The following IGDCC4 variants were observed in gnomAD, a reference collection of about 807,000 sequenced individuals.
The protein encoded by IGDCC4 is immunoglobulin superfamily DCC subclass member 4.
Under a neutral mutation model 116.6 loss-of-function variants are expected in IGDCC4, and 72 were observed. The ratio of observed to expected loss-of-function variants is 0.62; its 90% CI spans 0.51 to 0.75. IGDCC4 has a LOEUF of 0.75. IGDCC4 is among the 30% of genes least tolerant of loss of function. The pLI, the probability that IGDCC4 is intolerant of heterozygous loss-of-function variation, is 0.00. For missense variants in IGDCC4, 1,501 were observed against 1,662.4 expected (o/e 0.90, Z 1.69); for synonymous variants, 709 against 719.9 (o/e 0.98, Z 0.24).
In IGDCC4 at chr15:65,394,395, A is replaced by G; in HGVS notation, c.1714+16T>C. On this transcript the variant is annotated intron_variant, in intron 9 of 19. Transcript: ENST00000352385. The stretch of plus-strand genomic sequence containing the variant: ...TCATTCCCATACATGCCTGCAGCCC[A>G]CCCACCCCCACTCACCTTCCTTTCC... 1 of 1,613,060 alleles carries G rather than the reference A, an allele frequency of 6.2e-7. No homozygotes were observed. Among genetic ancestry groups the G allele is most frequent in the Non-Finnish European group, 8.5e-7 (1 of 1,179,800 alleles).
At chr15:65,409,188 T>A (rs1191921057) in intron 3 of IGDCC4, among the ~76,000 whole-genome samples, 22 of 152,098 alleles carry the variant, frequency 1.4e-4, no homozygotes, top group Non-Finnish European at 2.9e-5. Context: ...AACTGTCCTG[T>A]GGCTTTTCTA....
rs1217384957 is a variant in IGDCC4, at chr15:65,392,116, C to T, written c.2122+18G>A. ...TGAAGCTACATCCCTCCCTCCCCCT[C>T]CCCCCAGCCCTCCTCACCTAGCTGG... On this transcript the variant is annotated intron_variant, in intron 11 of 19. Coordinates refer to ENST00000352385, the MANE Select transcript of IGDCC4 (RefSeq NM_020962.3). 2 of 1,512,038 alleles carry T rather than the reference C, an allele frequency of 1.3e-6. No individual in the cohort carries two copies. The highest frequency in any genetic ancestry group is 1.8e-6 in the Non-Finnish European group (2 of 1,107,922). The allele number at this position is 1,512,038 out of a possible 1,614,324, so 93.7% of individuals were successfully genotyped here. A position where few individuals can be genotyped will look rare whatever the true frequency, so the allele number is the denominator to read the frequency against.
At chr15:65,413,879 G>T (rs2063120247) in intron 1 of IGDCC4, among the ~76,000 whole-genome samples, 1 of 152,180 alleles carries the variant, frequency 6.6e-6, no homozygotes, top group Admixed American at 6.5e-5. Context: ...TGTGGTTTTG[G>T]CCCAGTCATT....
Position 65,394,488 on chromosome 15 carries a change from G to A in IGDCC4, c.1637C>T (p.Ala546Val), listed in dbSNP as rs1289606960. The A allele has an allele frequency of 1.4e-5, 22 of 1,613,478 alleles. No homozygotes were observed. Among genetic ancestry groups the A allele is most frequent in the Admixed American group, 5.0e-5 (3 of 59,956 alleles). The change falls in exon 9 of 20, where the codon GCG becomes GTG. Residue 546 changes from alanine to valine, a missense_variant. By Grantham distance (64) the Ala-to-Val change is moderately conservative. Transcript: ENST00000352385. The stretch of plus-strand genomic sequence containing the variant: ...CAGGCTGGGGGGCAGGGGCAGCCAC[G>A]CCACCCTGATGTCCGAAGGGTTGGG... The part of the protein sequence containing the change: ...SSPNPSDIRV[A>V]WLPLPPSLSN...
intron 3 of IGDCC4, among the ~76,000 whole-genome samples, chr15:65,406,054 G>T (rs1156764805): frequency 6.6e-6 from 1 of 152,240 alleles, no homozygotes; most frequent in African/African-American, 2.4e-5. Context: ...GTAACCACTG[G>T]GAGAGGGTAG....
chr15:65,402,617 C>T (rs1272501865), intron 3 of IGDCC4, 130 bp from the exon 4 acceptor site: 10 of 1,247,770 alleles, frequency 8.0e-6, no homozygotes, highest in Non-Finnish European at 1.1e-5. Context: ...GCCTATAATC[C>T]CAGCACTTTG....
Position 65,390,173 on chromosome 15 carries a change from A to G in IGDCC4, c.2390T>C (p.Leu797Pro). 1 of 1,591,500 alleles carries G rather than the reference A, an allele frequency of 6.3e-7. No individual in the cohort carries two copies. The highest frequency in any genetic ancestry group is 8.6e-7 in the Non-Finnish European group (1 of 1,162,200). ...FSPWGLRNAS[L>P]VTYYTSSGED... ...TCCCCACCTGGTGTAATAGGTGACC[A>G]GGGAGGCATTCCTGAGCCCCCAGGG... Residue 797 changes from leucine to proline, a missense_variant, in exon 13 of 20, where the codon CTG (leucine) becomes CCG (proline). By Grantham distance (98) the Leu-to-Pro change is moderately conservative. Coordinates refer to ENST00000352385, the MANE Select transcript of IGDCC4 (RefSeq NM_020962.3).
At chr15:65,385,468 G>A (rs1441876003) in intron 18 of IGDCC4, 2 of 523,980 alleles carry the variant, frequency 3.8e-6, no homozygotes, top group African/African-American at 3.8e-5. Context: ...CCTTATCCTG[G>A]TCCCAGTCCC....
rs773895737 is a variant in IGDCC4 at position 65,388,462 on chromosome 15, C to T, written c.2832G>A (p.Gln944=). The change falls in exon 16 of 20, where the codon CAG becomes CAA. Residue 944 remains glutamine (Q), a synonymous_variant. Transcript: ENST00000352385. ...CTGTGCTCATACCTGACAGCTTCTC[C>T]TGGAGCGTGATCACATCCTGCAGGC... is the stretch of plus-strand genomic sequence containing the variant. ...FSRLQDVITL[Q]EKLSDSLDMH... 6.2e-7 allele frequency: 1 copy of T among 1,614,158 alleles called. No homozygotes were observed. The highest frequency in any genetic ancestry group is 8.5e-7 in the Non-Finnish European group (1 of 1,180,032).
chr15:65,400,235 G>A (rs1440897987), intron 5 of IGDCC4, among the ~76,000 whole-genome samples: 1 of 152,240 alleles, frequency 6.6e-6, no homozygotes, highest in Non-Finnish European at 1.5e-5. Flanking sequence ...GATACTGTCA[G>A]ACCTCTCTTC....
chr15:65,384,014 C>A lies in IGDCC4; in HGVS notation c.3748G>T (p.Ala1250Ser). Residue 1250 changes from alanine to serine, a missense_variant, in exon 20 of 20, where the codon GCC becomes TCC. By Grantham distance (99) the Ala-to-Ser change is moderately conservative. This residue lies in a region of IGDCC4 where 368 missense variants were observed against 355.6 expected (regional missense o/e 1.03). Coordinates refer to ENST00000352385, the MANE Select transcript of IGDCC4 (RefSeq NM_020962.3). The surrounding 1 kb of genome is among the most constrained non-coding windows in gnomAD (Gnocchi z 4.9). ...GLPRSPVSSS[A>S] ...ACCACATCCTCTGGGAAGAGCTAGG[C>A]AGAGGAGGAGACCGGGGATCTGGGC... The A allele has an allele frequency of 6.3e-7, 1 of 1,587,236 alleles. No homozygotes were observed. The highest frequency in any genetic ancestry group is 8.6e-7 in the Non-Finnish European group (1 of 1,161,956).
chr15:65,395,688 A>T (rs992639381), intron 7 of IGDCC4, 62 bp downstream of exon 7: 1 of 1,386,328 alleles, frequency 7.2e-7, no homozygotes, highest in Non-Finnish European at 9.4e-7. Flanking sequence ...TCCGACCTGA[A>T]CCCCTTCTGG....
chr15:65,395,490 T>C (rs1456098291), intron 7 of IGDCC4, among the ~76,000 whole-genome samples: 1 of 152,138 alleles, frequency 6.6e-6, no homozygotes, highest in East Asian at 1.9e-4. Flanking sequence ...GTTAGTTAAC[T>C]GGGATGGGAG....
chr15:65,391,932 C>T lies in IGDCC4; in HGVS notation c.2172G>A (p.Glu724=). 6.2e-7 allele frequency: 1 copy of T among 1,613,834 alleles called. No homozygotes were observed. Among genetic ancestry groups the T allele is most frequent in the Admixed American group, 1.7e-5 (1 of 59,976 alleles). Residue 724 remains glutamate (E), a synonymous_variant, in exon 12 of 20, where the codon GAG becomes GAA. Transcript: ENST00000352385. ...CCTTCCACACTGCTGCATAGCCATCCTCATGTTTGTTGAAAGCCACGAGCT... is the reference window on the plus strand; with the variant it reads ...CCTTCCACACTGCTGCATAGCCATCTTCATGTTTGTTGAAAGCCACGAGCT... The part of the protein sequence containing the change: ...EVKLVAFNKH[E]DGYAAVWKGK...
chr15:65,405,833 A>G (rs1460999126), intron 3 of IGDCC4, among the ~76,000 whole-genome samples: 1 of 152,248 alleles, frequency 6.6e-6, no homozygotes, highest in Non-Finnish European at 1.5e-5. Context: ...TCAACTCGAA[A>G]GGAAGGGATG....
intron 1 of IGDCC4, among the ~76,000 whole-genome samples, chr15:65,413,984 G>A (rs184481531): frequency 6.1e-4 from 93 of 152,314 alleles, no homozygotes; most frequent in Admixed American, 2.7e-3. Context: ...ACCTATTCCT[G>A]AACAAACATA....
At position 65,384,963 on chromosome 15, in the gene IGDCC4, G is replaced by A; in HGVS notation, c.3333C>T (p.Asp1111=). 2 of 1,609,834 alleles carry A rather than the reference G, an allele frequency of 1.2e-6. No individual in the cohort carries two copies. Among genetic ancestry groups the A allele is most frequent in the East Asian group, 2.2e-5 (1 of 44,488 alleles). Residue 1111 remains aspartate (D), a synonymous_variant, in exon 19 of 20, where the codon GAC becomes GAT. Transcript: ENST00000352385. The surrounding 1 kb of genome is among the most constrained non-coding windows in gnomAD (Gnocchi z 4.9). ...QTLLLQALVY[D]AIKGNGRKKS... ...CTTCCAGGACGCTGACCTTTATGGC[G>A]TCGTACACCAGAGCCTGCAGCAACA...
At chr15:65,419,985 C>T (rs2063175721) in intron 1 of IGDCC4, among the ~76,000 whole-genome samples, 1 of 152,076 alleles carries the variant, frequency 6.6e-6, no homozygotes. Context: ...CTCACTTTGT[C>T]GCCCAGGCTG....
intron 9 of IGDCC4, 33 bp downstream of exon 9, chr15:65,394,378 A>G: frequency 3.1e-6 from 5 of 1,611,358 alleles, no homozygotes; most frequent in Non-Finnish European, 4.2e-6. Context: ...GATCATTCCC[A>G]TACATGCCTG....
Sources: allele counts gnomAD v4.1 joint callset (sites outside exome capture counted in the v4.1 genomes callset), GRCh38; gene constraint gnomAD v4.1.1; regional missense constraint gnomAD v4.1.1; non-coding constraint Gnocchi (gnomAD v3.1); transcripts MANE v1.5; gene names NCBI Gene and HGNC (gene_info 2026-07-23, HGNC 2026-07-21).